Variants in TENM4 observed in about 807,000 individuals in gnomAD.
TENM4 encodes teneurin-4.
TENM4 carries 82 observed loss-of-function variants against 243.3 expected under a neutral mutation model. The observed-to-expected ratio is 0.34, with a 90% CI of 0.28 to 0.40. The LOEUF (loss-of-function observed/expected upper bound fraction) is 0.40, where lower values mean the gene tolerates loss of function less well. TENM4 is among the 10% of genes least tolerant of loss of function. The pLI, the probability that TENM4 is intolerant of heterozygous loss-of-function variation, is 1.00. For missense variants in TENM4, 3,138 were observed against 3,673.3 expected (o/e 0.85, Z 3.77); for synonymous variants, 1,412 against 1,456.3 (o/e 0.97, Z 0.69).
chr11:78,798,935 A>G (rs927663779), intron 15 of TENM4, among the ~76,000 whole-genome samples: 1 of 152,178 alleles, frequency 6.6e-6, no homozygotes, highest in Non-Finnish European at 1.5e-5. Context: ...CTCATGCTGA[A>G]TAATTAGGCG....
intron 3 of TENM4, among the ~76,000 whole-genome samples, chr11:79,156,503 G>C (rs1209102496): frequency 2.0e-5 from 3 of 152,160 alleles, no homozygotes; most frequent in Non-Finnish European, 4.4e-5. Flanking sequence ...CTTTCTACAT[G>C]CTGTTTCCTT....
intron 5 of TENM4, 64 bp from the exon 6 acceptor site, chr11:79,065,071 T>G: frequency 7.0e-7 from 1 of 1,428,992 alleles, no homozygotes; most frequent in Non-Finnish European, 9.2e-7. Flanking sequence ...TGCCTCTGCC[T>G]GAAGCCTGGC....
chr11:79,091,725 G>A (rs535396809), intron 4 of TENM4, among the ~76,000 whole-genome samples: 1 of 152,104 alleles, frequency 6.6e-6, no homozygotes, highest in Non-Finnish European at 1.5e-5. Context: ...GGGACTGCAG[G>A]ATGCCAACAC....
intron 24 of TENM4, among the ~76,000 whole-genome samples, chr11:78,721,246 A>C (rs1227770086): frequency 6.6e-6 from 1 of 152,240 alleles, no homozygotes; most frequent in Non-Finnish European, 1.5e-5. Context: ...AATAGACAGC[A>C]GAAGGGCAGA....
At chr11:79,176,431 C>T (rs1863161096) in intron 3 of TENM4, among the ~76,000 whole-genome samples, 1 of 152,210 alleles carries the variant, frequency 6.6e-6, no homozygotes, top group Admixed American at 6.5e-5. Flanking sequence ...ATCTCCTGAA[C>T]ACTTAATATA....
intron 1 of TENM4, among the ~76,000 whole-genome samples, chr11:79,386,575 G>T (rs1590929196): frequency 6.6e-6 from 1 of 152,108 alleles, no homozygotes. Flanking sequence ...CAGACAACCT[G>T]ATCTGGAAAA....
At chr11:79,326,068 C>T (rs1856970610) in intron 1 of TENM4, among the ~76,000 whole-genome samples, 1 of 152,194 alleles carries the variant, frequency 6.6e-6, no homozygotes, top group African/African-American at 2.4e-5. Flanking sequence ...CAAACGTGCG[C>T]CTTATCCCAG....
At chr11:78,761,388 T>C (rs1184375284) in intron 18 of TENM4, among the ~76,000 whole-genome samples, 1 of 152,048 alleles carries the variant, frequency 6.6e-6, no homozygotes, top group East Asian at 1.9e-4. Context: ...TACAGGCACC[T>C]GCCACCACAC....
chr11:79,245,811 G>A (rs1855503281), intron 2 of TENM4, among the ~76,000 whole-genome samples: 2 of 151,720 alleles, frequency 1.3e-5, no homozygotes, highest in African/African-American at 2.4e-5. Flanking sequence ...ATGGTGACGG[G>A]TACCTGTAAT....
rs1862848911 is a variant in TENM4, at chr11:79,164,268, CTAGT to C, written c.-162-15466_-162-15463del. Reference sequence around the variant, plus strand: ...ATAGTATATATAGTATATAGATATACTAGTATATATAGTATATAGATATACTAGT... The same window carrying C: ...ATAGTATATATAGTATATAGATATACATATATAGTATATAGATATACTAGT... On this transcript the variant is annotated intron_variant, in intron 3 of 33. Transcript: ENST00000278550. 1.7e-4 allele frequency among the ~76,000 whole-genome samples: 17 copies of C among 99,122 alleles called. 1 individual carries two copies. The highest frequency in any genetic ancestry group is 1.1e-3 in the African/African-American group (17 of 15,876). The allele number at this position is 99,122 out of a possible 152,430, so 65.0% of individuals were successfully genotyped here.
At chr11:78,934,942 T>G (rs1296025438) in intron 6 of TENM4, among the ~76,000 whole-genome samples, 1 of 151,886 alleles carries the variant, frequency 6.6e-6, no homozygotes, top group African/African-American at 2.4e-5. Context: ...GACCAACACT[T>G]ATTTTGGTTC....
chr11:79,232,918 G>A (rs757700159), intron 2 of TENM4, among the ~76,000 whole-genome samples: 2 of 152,184 alleles, frequency 1.3e-5, no homozygotes, highest in Non-Finnish European at 2.9e-5. Context: ...AAAACTGTCC[G>A]GGGTGTACCA....
chr11:79,074,843 A>G (rs1363355183), intron 4 of TENM4, among the ~76,000 whole-genome samples: 1 of 152,074 alleles, frequency 6.6e-6, no homozygotes, highest in East Asian at 1.9e-4. Flanking sequence ...TCCGCTTCAT[A>G]CTGGGCTCTG....
At chr11:79,224,379 A>G (rs978859624) in intron 2 of TENM4, among the ~76,000 whole-genome samples, 1 of 152,128 alleles carries the variant, frequency 6.6e-6, no homozygotes, top group Non-Finnish European at 1.5e-5. Context: ...AAGATGAACC[A>G]ATTAGAATTC....
At chr11:79,164,919 T>G (rs1351870577) in intron 3 of TENM4, among the ~76,000 whole-genome samples, 1 of 151,286 alleles carries the variant, frequency 6.6e-6, no homozygotes, top group Non-Finnish European at 1.5e-5. Flanking sequence ...GGGTATGACT[T>G]TATCAGCAAC....
chr11:79,009,098 C>G (rs993973497), intron 6 of TENM4, among the ~76,000 whole-genome samples: 12 of 152,300 alleles, frequency 7.9e-5, no homozygotes, highest in Non-Finnish European at 1.5e-4. Flanking sequence ...GTTTACTATA[C>G]AAAGGGCTGT....
chr11:78,785,783 T>C (rs12269763), intron 16 of TENM4, among the ~76,000 whole-genome samples: 3,894 of 152,130 alleles, frequency 0.026, 43 homozygotes, highest in African/African-American at 0.037. Context: ...ACAAAAACAA[T>C]GAAGACTGAA....
In TENM4 at chr11:78,732,412, G is replaced by A; in HGVS notation, c.3042C>T (p.Ser1014=). 1 of 1,613,970 alleles carries A rather than the reference G, an allele frequency of 6.2e-7. No homozygotes were observed. Among genetic ancestry groups the A allele is most frequent in the East Asian group, 2.2e-5 (1 of 44,880 alleles). ...CGACTGGGTTGGGGCGGGCAAAATT[G>A]CTCAGGTCACAGCTGGGAATCTCAT... ...EENEIPSCDL[S]NFARPNPVVS... The change falls in exon 21 of 34, where the codon AGC becomes AGT. Residue 1014 remains serine, a synonymous_variant. Coordinates refer to ENST00000278550, the MANE Select transcript of TENM4 (RefSeq NM_001098816.3).
chr11:78,688,650 C>G (rs117760608), intron 28 of TENM4, among the ~76,000 whole-genome samples: 3 of 152,262 alleles, frequency 2.0e-5, no homozygotes, highest in African/African-American at 7.2e-5. Context: ...CTGCAAAACC[C>G]GCAAGAACTG....
Sources: allele counts gnomAD v4.1 joint callset (sites outside exome capture counted in the v4.1 genomes callset), GRCh38; gene constraint gnomAD v4.1.1; transcripts MANE v1.5; gene names NCBI Gene and HGNC (gene_info 2026-07-23, HGNC 2026-07-21).